Variants in CACNA2D1 observed in about 807,000 individuals in gnomAD.
The protein encoded by CACNA2D1 is voltage-dependent calcium channel subunit alpha-2/delta-1.
In CACNA2D1, 53 loss-of-function variants were observed where a neutral mutation model predicts 171.5. The observed-to-expected ratio is 0.31, with a 90% CI of 0.25 to 0.39. The LOEUF (loss-of-function observed/expected upper bound fraction) is 0.39, where lower values mean the gene tolerates loss of function less well. Ranked by LOEUF, CACNA2D1 falls within the 10% of genes least tolerant of loss-of-function variation. The pLI, the probability that CACNA2D1 is intolerant of heterozygous loss-of-function variation, is 1.00. For missense variants in CACNA2D1, 903 were observed against 1,299.8 expected (o/e 0.69, Z 4.69); for synonymous variants, 442 against 443.1 (o/e 1.00, Z 0.03).
intron 3 of CACNA2D1, among the ~76,000 whole-genome samples, chr7:82,319,017 C>T (rs927225472): frequency 6.6e-6 from 1 of 152,104 alleles, no homozygotes; most frequent in African/African-American, 2.4e-5. Flanking sequence ...TGCCAGAAAG[C>T]TTGGGAATTA....
chr7:82,437,556 C>A (rs1830199322), intron 1 of CACNA2D1, among the ~76,000 whole-genome samples: 1 of 152,010 alleles, frequency 6.6e-6, no homozygotes, highest in Non-Finnish European at 1.5e-5. Flanking sequence ...CCAGAAATAT[C>A]CCACATTCAT....
chr7:81,964,392 A>C (rs1240836385), intron 32 of CACNA2D1, 33 bp from the exon 33 acceptor site: 2 of 1,593,424 alleles, frequency 1.3e-6, no homozygotes, highest in Admixed American at 3.4e-5. Context: ...AGCAACGTGC[A>C]CTTAAAATGT....
At chr7:82,250,158 T>C (rs2129313516) in intron 3 of CACNA2D1, among the ~76,000 whole-genome samples, 2 of 152,324 alleles carry the variant, frequency 1.3e-5, no homozygotes, top group Admixed American at 1.3e-4. Context: ...AATCCATTCA[T>C]GAGGTCTCCA....
chr7:82,322,957 A>C (rs2129440320), intron 3 of CACNA2D1, among the ~76,000 whole-genome samples: 1 of 152,340 alleles, frequency 6.6e-6, no homozygotes, highest in East Asian at 1.9e-4. Context: ...TAAGGGGTTA[A>C]CAAGGAAAAG....
At position 82,073,631 on chromosome 7, in the gene CACNA2D1, A is replaced by G. The variant is rs190291308; in HGVS notation, c.659-7107T>C. ...TTTAATTTTTTTGAGATGGAGTTTC[A>G]CTGTTGTTGCCCAGGCGTGAGTGCA... On this transcript the variant is annotated intron_variant, in intron 7 of 38. Transcript: ENST00000356860. Among the ~76,000 whole-genome samples the G allele has an allele frequency of 2.8e-3, 425 of 152,080 alleles. 2 individuals carry two copies. Among genetic ancestry groups the G allele is most frequent in the African/African-American group, 9.9e-3 (409 of 41,488 alleles).
At chr7:81,983,428 T>C (rs1415669858) in intron 22 of CACNA2D1, 94 bp from the exon 23 acceptor site, 2 of 921,436 alleles carry the variant, frequency 2.2e-6, no homozygotes, top group African/African-American at 3.3e-5. Context: ...TCAATGACTT[T>C]CTTGAATAAA....
At chr7:82,042,409 G>A (rs1462959418) in intron 10 of CACNA2D1, among the ~76,000 whole-genome samples, 1 of 152,132 alleles carries the variant, frequency 6.6e-6, no homozygotes, top group Non-Finnish European at 1.5e-5. Context: ...ATGGTATATG[G>A]CGAGTGAAAA....
intron 10 of CACNA2D1, chr7:82,050,508 C>A: frequency 1.4e-6 from 1 of 695,460 alleles, no homozygotes; most frequent in South Asian, 1.5e-5. Context: ...ATGAGGAAGT[C>A]CCTGATCTTA....
At chr7:82,138,738 G>T (rs549555478) in intron 4 of CACNA2D1, among the ~76,000 whole-genome samples, 1 of 151,906 alleles carries the variant, frequency 6.6e-6, no homozygotes, top group Non-Finnish European at 1.5e-5. Context: ...GAGCCACCGC[G>T]CCCGACCTTA....
intron 5 of CACNA2D1, among the ~76,000 whole-genome samples, chr7:82,132,211 A>G (rs1481277674): frequency 6.6e-6 from 1 of 152,184 alleles, no homozygotes; most frequent in Non-Finnish European, 1.5e-5. Context: ...TATCTCCCCC[A>G]AAGGGTTTGA....
At chr7:82,153,153 C>T (rs1196881299) in intron 4 of CACNA2D1, among the ~76,000 whole-genome samples, 2 of 150,876 alleles carry the variant, frequency 1.3e-5, no homozygotes, top group East Asian at 3.9e-4. Flanking sequence ...AAGGCTGAGA[C>T]CTTGGCAAAA....
chr7:82,403,545 C>T (rs771463179), intron 1 of CACNA2D1, among the ~76,000 whole-genome samples: 11 of 152,144 alleles, frequency 7.2e-5, no homozygotes, highest in African/African-American at 2.2e-4. Context: ...TGTAGCAATC[C>T]CCAATTTTAT....
chr7:82,093,072 A>T (rs575285681), intron 6 of CACNA2D1, among the ~76,000 whole-genome samples: 2 of 152,164 alleles, frequency 1.3e-5, no homozygotes, highest in African/African-American at 2.4e-5. Flanking sequence ...TGGTATTTTT[A>T]AAATGAGCAT....
chr7:82,321,122 G>C (rs1815786056), intron 3 of CACNA2D1, among the ~76,000 whole-genome samples: 2 of 152,068 alleles, frequency 1.3e-5, no homozygotes, highest in African/African-American at 4.8e-5. Flanking sequence ...ATGGGTGCTG[G>C]GCGCAATGGC....
chr7:82,246,015 C>T (rs930630089), intron 3 of CACNA2D1, among the ~76,000 whole-genome samples: 5 of 151,806 alleles, frequency 3.3e-5, no homozygotes, highest in African/African-American at 1.2e-4. Context: ...TCATAATAAT[C>T]CCTTCATAGA....
At chr7:82,335,077 A>G in intron 3 of CACNA2D1, 58 bp downstream of exon 3, 1 of 1,124,740 alleles carries the variant, frequency 8.9e-7, no homozygotes, top group South Asian at 1.2e-5. Context: ...GAGCATGAAA[A>G]TTAAATAATA....
Position 82,421,115 on chromosome 7 carries a change from C to G in CACNA2D1, c.95+22250G>C, listed in dbSNP as rs140971084. Among the ~76,000 whole-genome samples the G allele has an allele frequency of 2.6e-3, 402 of 152,278 alleles. 3 individuals carry two copies. The highest frequency in any genetic ancestry group is 3.9e-3 in the Non-Finnish European group (264 of 68,016). ...ATCAGAACTACTTTATTATGCACCA[C>G]TGATCTCTATTTAAAATGATGACTT... On this transcript the variant is annotated intron_variant, in intron 1 of 38. Transcript: ENST00000356860.
intron 1 of CACNA2D1, among the ~76,000 whole-genome samples, chr7:82,420,550 C>T (rs1232422272): frequency 1.3e-5 from 2 of 152,100 alleles, no homozygotes; most frequent in Non-Finnish European, 2.9e-5. Context: ...GAACCACTCT[C>T]ATTGTCAGAT....
At chr7:82,130,569 G>A (rs887183483) in intron 5 of CACNA2D1, among the ~76,000 whole-genome samples, 1 of 151,870 alleles carries the variant, frequency 6.6e-6, no homozygotes, top group Non-Finnish European at 1.5e-5. Flanking sequence ...TTGTATTAGA[G>A]CAGTGAAAGG....
Sources: gnomAD v4.1 joint callset for allele counts (sites outside exome capture counted in the v4.1 genomes callset) on GRCh38, gnomAD v4.1.1 for gene constraint, MANE v1.5 for transcripts, NCBI Gene and HGNC (gene_info 2026-07-23, HGNC 2026-07-21) for gene names.